PROS1: variants seen among roughly 807,000 people sequenced by gnomAD.
PROS1 encodes vitamin K-dependent protein S.
Under a neutral mutation model 75.9 loss-of-function variants are expected in PROS1, and 29 were observed. The ratio of observed to expected loss-of-function variants is 0.38; its 90% CI spans 0.28 to 0.52. The LOEUF is 0.52. Ranked by LOEUF, PROS1 falls within the 20% of genes least tolerant of loss-of-function variation. The probability of loss-of-function intolerance (pLI) is 0.83; values close to 1 mark genes in which losing one functional copy is unlikely to be tolerated. For missense variants in PROS1, 680 were observed against 810.3 expected, an observed-to-expected ratio of 0.84 and a Z score of 1.95; for synonymous variants, 245 against 280.6, an observed-to-expected ratio of 0.87 and a Z score of 1.27.
intron 1 of PROS1, among the ~76,000 whole-genome samples, chr3:93,946,432 A>T (rs1320447168): frequency 3.3e-5 from 5 of 152,250 alleles, no homozygotes; most frequent in Non-Finnish European, 7.3e-5. Flanking sequence ...TAACCAAAAC[A>T]GCATGGTACT....
At chr3:93,946,838 G>GAAAAAAA (rs769904782) in intron 1 of PROS1, among the ~76,000 whole-genome samples, 2 of 64,008 alleles carry the variant, frequency 3.1e-5, no homozygotes, top group African/African-American at 5.5e-5. Context: ...CTTCTGCACA[G>GAAAAAAA]AAAAAAAAAA....
intron 1 of PROS1, among the ~76,000 whole-genome samples, chr3:93,969,567 C>G (rs1435131735): frequency 6.6e-6 from 1 of 152,190 alleles, no homozygotes; most frequent in Admixed American, 6.5e-5. Context: ...GAGCTGTTCA[C>G]AGAGACACAT....
chr3:93,955,397 T>TA (rs1403119337), intron 1 of PROS1, among the ~76,000 whole-genome samples: 9 of 152,200 alleles, frequency 5.9e-5, no homozygotes, highest in African/African-American at 1.9e-4. Flanking sequence ...TATGCAGTCA[T>TA]AAAAAAGGAT....
rs773551347 is a variant in PROS1 at position 93,927,375 on chromosome 3, C to G, written c.109G>C (p.Val37Leu). The stretch of plus-strand genomic sequence containing the variant: ...AAAGAATTTGCACGACGCTTCCTAA[C>G]CAGGACTTGTGAAGCCTGTTGCTTT... The part of the protein sequence containing the change: ...LSKQQASQVL[V>L]RKRRANSLLE... The change falls in exon 2 of 15, where the codon GTT becomes CTT. Residue 37 changes from valine (V) to leucine (L), a missense_variant. Val to Leu is a conservative substitution (Grantham distance 32). Coordinates refer to ENST00000394236, the MANE Select transcript of PROS1 (RefSeq NM_000313.4). 1 of 1,614,096 alleles carries G rather than the reference C, an allele frequency of 6.2e-7. No individual in the cohort carries two copies. Among genetic ancestry groups the G allele is most frequent in the South Asian group, 1.1e-5 (1 of 91,076 alleles).
rs1708200351 is a variant in PROS1 at position 93,877,045 on chromosome 3, A to G, written c.1791T>C (p.His597=). The change falls in exon 14 of 15, where the codon CAT becomes CAC. Residue 597 remains histidine (H), a synonymous_variant. Coordinates refer to ENST00000394236, the MANE Select transcript of PROS1 (RefSeq NM_000313.4). The stretch of plus-strand genomic sequence containing the variant: ...CGGCAAGTTGTCTTTGAAGGTCTTC[A>G]TGGGAGATGGTTTCTATTTTAAGTG... ...STPLKIETIS[H]EDLQRQLAVL... is the part of the protein sequence containing the mutation. 1.9e-6 allele frequency: 3 copies of G among 1,614,040 alleles called. No individual in the cohort carries two copies. Among genetic ancestry groups the G allele is most frequent in the South Asian group, 2.2e-5 (2 of 91,076 alleles).
chr3:93,965,579 A>C (rs1437401798), intron 1 of PROS1, among the ~76,000 whole-genome samples: 1 of 152,170 alleles, frequency 6.6e-6, no homozygotes, highest in Non-Finnish European at 1.5e-5. Context: ...AGGTCAGAGA[A>C]CACTAGGCTT....
intron 3 of PROS1, among the ~76,000 whole-genome samples, chr3:93,924,031 T>A (rs1708982244): frequency 6.6e-6 from 1 of 152,180 alleles, no homozygotes; most frequent in Admixed American, 6.5e-5. Flanking sequence ...CACTAAAATT[T>A]AAAATGTCAC....
At chr3:93,907,473 C>T (rs150499358) in intron 4 of PROS1, among the ~76,000 whole-genome samples, 4 of 152,272 alleles carry the variant, frequency 2.6e-5, no homozygotes, top group Non-Finnish European at 5.9e-5. Context: ...GATGACCTGG[C>T]TACAGAGAGG....
At chr3:93,961,134 T>C (rs1372064099) in intron 1 of PROS1, among the ~76,000 whole-genome samples, 5 of 152,138 alleles carry the variant, frequency 3.3e-5, no homozygotes, top group Non-Finnish European at 5.9e-5. Flanking sequence ...ATAGATCACC[T>C]GGCATGACTG....
intron 1 of PROS1, among the ~76,000 whole-genome samples, chr3:93,928,153 T>G (rs1259145998): frequency 6.7e-6 from 1 of 148,384 alleles, no homozygotes; most frequent in Non-Finnish European, 1.5e-5. Context: ...TAGCTGGGAT[T>G]ACTAGAATGC....
At chr3:93,933,330 A>G (rs1213060506) in intron 1 of PROS1, among the ~76,000 whole-genome samples, 1 of 152,112 alleles carries the variant, frequency 6.6e-6, no homozygotes, top group Non-Finnish European at 1.5e-5. Context: ...ATCCCAACAC[A>G]TTGGGAGGCT....
intron 14 of PROS1, 62 bp downstream of exon 14, chr3:93,876,904 T>A: frequency 9.1e-7 from 1 of 1,095,288 alleles, no homozygotes; most frequent in Non-Finnish European, 1.3e-6. Context: ...ATTATATATT[T>A]AAAATATTAT....
chr3:93,971,844 G>A (rs1360158654), intron 1 of PROS1, among the ~76,000 whole-genome samples: 1 of 151,880 alleles, frequency 6.6e-6, no homozygotes, highest in Non-Finnish European at 1.5e-5. Flanking sequence ...CAAATCATAT[G>A]GATTAAAAAC....
At chr3:93,956,265 G>T (rs1403230653) in intron 1 of PROS1, among the ~76,000 whole-genome samples, 1 of 151,844 alleles carries the variant, frequency 6.6e-6, no homozygotes, top group Non-Finnish European at 1.5e-5. Flanking sequence ...ACTCATCTTT[G>T]GTTCTCAAGA....
At chr3:93,887,958 T>C (rs1258541728) in intron 10 of PROS1, among the ~76,000 whole-genome samples, 1 of 152,218 alleles carries the variant, frequency 6.6e-6, no homozygotes, top group African/African-American at 2.4e-5. Context: ...AGGCTAGTCA[T>C]GCAGAATTAA....
In PROS1 at chr3:93,934,331, C is replaced by A. The variant is rs1709151107; in HGVS notation, c.77-6924G>T. ...TAAAGATTTCTACCACAGAAAATTT[C>A]CAACTGGAGGAAAGAAGCAATTGAA... On this transcript the variant is annotated intron_variant, in intron 1 of 14. Coordinates refer to ENST00000394236, the MANE Select transcript of PROS1 (RefSeq NM_000313.4). Among the ~76,000 whole-genome samples, 3 of 152,072 alleles carry A rather than the reference C, an allele frequency of 2.0e-5. No individual in the cohort carries two copies. In the South Asian group the frequency reaches 6.2e-4, roughly 32 times the overall value.
At chr3:93,938,250 C>A (rs1285771845) in intron 1 of PROS1, among the ~76,000 whole-genome samples, 1 of 152,144 alleles carries the variant, frequency 6.6e-6, no homozygotes, top group African/African-American at 2.4e-5. Flanking sequence ...TAACCCCCGC[C>A]CCTGCCACCA....
At chr3:93,969,029 C>T (rs1472746209) in intron 1 of PROS1, among the ~76,000 whole-genome samples, 1 of 150,916 alleles carries the variant, frequency 6.6e-6, no homozygotes. Flanking sequence ...TCATAAATAC[C>T]AGCTCATGCT....
intron 1 of PROS1, among the ~76,000 whole-genome samples, chr3:93,938,045 A>G (rs950443180): frequency 2.0e-5 from 3 of 152,204 alleles, no homozygotes; most frequent in African/African-American, 7.2e-5. Flanking sequence ...CCCAATGTAC[A>G]TGAAGTAATT....
Sources: allele counts gnomAD v4.1 joint callset (sites outside exome capture counted in the v4.1 genomes callset), GRCh38; gene constraint gnomAD v4.1.1; transcripts MANE v1.5; gene names NCBI Gene and HGNC (gene_info 2026-07-23, HGNC 2026-07-21).